Variants in RGPD1 observed in about 807,000 individuals in gnomAD.
RGPD1 encodes RANBP2-like and GRIP domain-containing protein 1.
In RGPD1, 7 loss-of-function variants were observed where a neutral mutation model predicts 40.6. The observed-to-expected ratio is 0.17, with a 90% CI of 0.10 to 0.32. The LOEUF (loss-of-function observed/expected upper bound fraction) is 0.32. Ranked by LOEUF, RGPD1 falls within the 10% of genes least tolerant of loss-of-function variation. The pLI is 1.00. For missense variants in RGPD1, 50 were observed against 472.5 expected (o/e 0.11, Z 8.29); for synonymous variants, 24 against 167.0 (o/e 0.14, Z 6.60).
chr2:86,926,468 T>G (rs1678515559), intron 1 of RGPD1, among the ~76,000 whole-genome samples: 1 of 151,644 alleles, frequency 6.6e-6, no homozygotes, highest in African/African-American at 2.4e-5. Flanking sequence ...AGTCTTTAAT[T>G]GATAGGTGAT....
At chr2:86,931,976 T>C (rs1467301166) in intron 1 of RGPD1, among the ~76,000 whole-genome samples, 10 of 148,538 alleles carry the variant, frequency 6.7e-5, no homozygotes, top group Non-Finnish European at 1.2e-4. Flanking sequence ...TATTTATATA[T>C]AATATTCATA....
In RGPD1 at chr2:86,929,979, C is replaced by T. The variant is rs930350896; in HGVS notation, c.72+16058C>T. Among the ~76,000 whole-genome samples the T allele has an allele frequency of 8.4e-5, 12 of 143,174 alleles. 1 individual carries two copies. The highest frequency in any genetic ancestry group is 6.7e-4 in the East Asian group (3 of 4,492). The allele number at this position is 143,174 out of a possible 152,430, so 93.9% of individuals were successfully genotyped here. A position where few individuals can be genotyped will look rare whatever the true frequency, so the allele number is the denominator to read the frequency against. On this transcript the variant is annotated intron_variant, in intron 1 of 22. Coordinates refer to the RGPD1 transcript ENST00000398193. ...AAGACAGCCCCATGGGAAAGACCTG[C>T]GGTACAGAATCTGGGGGCAGTGCAC...
chr2:86,913,941 A>C lies in RGPD1; in HGVS notation c.72+20A>C. ...GGAAAGGTGAGTGGATCTCGAAGAG[A>C]CCGACGGCCTCGACCTGGCGGGGCG... On this transcript the variant is annotated intron_variant, in intron 1 of 22. Coordinates refer to the RGPD1 transcript ENST00000398193. The C allele has an allele frequency of 4.5e-6, 6 of 1,326,322 alleles. No homozygotes were observed. In the South Asian group the frequency reaches 7.6e-5, roughly 17 times the overall value. The allele number at this position is 1,326,322 out of a possible 1,614,324, so 82.2% of individuals were successfully genotyped here.
intron 1 of RGPD1, among the ~76,000 whole-genome samples, chr2:86,943,312 C>T (rs1471966402): frequency 7.6e-6 from 1 of 132,244 alleles, no homozygotes; most frequent in Non-Finnish European, 1.6e-5. Flanking sequence ...TGGTAGCTGC[C>T]TTTGCTTAAA....
upstream of RGPD1, among the ~76,000 whole-genome samples, chr2:86,941,519 A>C (rs1035992488): frequency 6.7e-6 from 1 of 148,338 alleles, no homozygotes; most frequent in Non-Finnish European, 1.5e-5. Context: ...TGCTGGGGCT[A>C]CCGGCTTGAG....
chr2:86,940,710 C>T (rs532330443), upstream of RGPD1, among the ~76,000 whole-genome samples: 1 of 152,176 alleles, frequency 6.6e-6, no homozygotes, highest in Non-Finnish European at 1.5e-5. Context: ...ATGTTCCCCC[C>T]TCTGCCTTTG....
chr2:86,930,901 A>G, intron 1 of RGPD1: 1 of 559,992 alleles, frequency 1.8e-6, no homozygotes, highest in Non-Finnish European at 3.1e-6. Context: ...TTCCATCCCC[A>G]GAGCCCACAT....
At chr2:86,923,341 CCAT>C (rs1400438099) in intron 1 of RGPD1, among the ~76,000 whole-genome samples, 6 of 151,632 alleles carry the variant, frequency 4.0e-5, no homozygotes, top group East Asian at 3.9e-4. Context: ...CACCTGGCCT[CCAT>C]GGTGTTATTC....
intron 1 of RGPD1, among the ~76,000 whole-genome samples, chr2:86,942,658 GGCGGC>G: frequency 3.0e-5 from 4 of 133,694 alleles, no homozygotes; most frequent in Non-Finnish European, 6.4e-5. Flanking sequence ...GACCTGGCCG[GGCGGC>G]GGCGGCGGCC....
At chr2:86,918,368 A>G (rs1222826556) in intron 1 of RGPD1, among the ~76,000 whole-genome samples, 4 of 149,008 alleles carry the variant, frequency 2.7e-5, no homozygotes, top group Non-Finnish European at 4.5e-5. Flanking sequence ...GTCACTCTGA[A>G]AAAAAATCAC....
chr2:86,918,518 G>A (rs1211536532), intron 1 of RGPD1, among the ~76,000 whole-genome samples: 1 of 132,314 alleles, frequency 7.6e-6, no homozygotes, highest in African/African-American at 3.2e-5. Context: ...GGAGTGCAAT[G>A]GCGCAATCTC....
intron 1 of RGPD1, among the ~76,000 whole-genome samples, chr2:86,920,444 A>C (rs1276184109): frequency 6.8e-6 from 1 of 147,666 alleles, no homozygotes; most frequent in African/African-American, 2.5e-5. Context: ...ACATGTGAAA[A>C]GATTAAGCCT....
At chr2:86,960,628 T>C (rs1211388146) in intron 6 of RGPD1, among the ~76,000 whole-genome samples, 1 of 129,052 alleles carries the variant, frequency 7.7e-6, no homozygotes, top group Non-Finnish European at 1.6e-5. Flanking sequence ...CTCGCTCTGT[T>C]GCCCAGGCTG....
At chr2:86,923,339 C>T (rs1323503751) in intron 1 of RGPD1, among the ~76,000 whole-genome samples, 1 of 151,670 alleles carries the variant, frequency 6.6e-6, no homozygotes, top group East Asian at 1.9e-4. Flanking sequence ...TGCACCTGGC[C>T]TCCATGGTGT....
chr2:86,917,566 A>G, intron 1 of RGPD1: 1 of 41,950 alleles, frequency 2.4e-5, no homozygotes, highest in Non-Finnish European at 4.1e-5. Flanking sequence ...AAGTGGTACA[A>G]TGTCCACAGT....
intron 1 of RGPD1, among the ~76,000 whole-genome samples, chr2:86,918,703 C>T (rs1321216274): frequency 6.9e-6 from 1 of 145,490 alleles, no homozygotes; most frequent in Non-Finnish European, 1.5e-5. Flanking sequence ...TCGTGATCTG[C>T]CCGTCTCAGC....
At chr2:86,913,890 C>G (rs767660306) in exon 1 of RGPD1, 7 of 1,573,844 alleles carry the variant, frequency 4.4e-6, no homozygotes, top group South Asian at 3.4e-5. Context: ...TACCTCGCCT[C>G]GGTGCAGGGC....
chr2:86,914,223 C>T (rs1289351433), intron 1 of RGPD1, among the ~76,000 whole-genome samples: 18 of 101,726 alleles, frequency 1.8e-4, no homozygotes, highest in Non-Finnish European at 2.0e-4. Context: ...GCGGCGGCGG[C>T]CTCGGCCTGG....
In RGPD1 at chr2:86,914,191, G is replaced by GCGGCCT. The variant is rs1202740926; in HGVS notation, c.72+277_72+282dup. Among the ~76,000 whole-genome samples, 243 of 55,618 alleles carry GCGGCCT rather than the reference G, an allele frequency of 4.4e-3. 6 individuals carry two copies. The highest frequency in any genetic ancestry group is 5.4e-3 in the African/African-American group (81 of 14,920). The allele number at this position is 55,618 out of a possible 152,430, so 36.5% of individuals were successfully genotyped here. On this transcript the variant is annotated intron_variant, in intron 1 of 22. Coordinates refer to the RGPD1 transcript ENST00000398193. ...GCCTCGGCCTGGCCGGACGGCGGCGGCGGCCTCGGCCTGGCCGGGCGGCGG... is the reference window on the plus strand; with the variant it reads ...GCCTCGGCCTGGCCGGACGGCGGCGGCGGCCTCGGCCTCGGCCTGGCCGGGCGGCGG...
Sources: gnomAD v4.1 joint callset for allele counts (sites outside exome capture counted in the v4.1 genomes callset) on GRCh38, gnomAD v4.1.1 for gene constraint, MANE v1.5 for transcripts, NCBI Gene and HGNC (gene_info 2026-07-23, HGNC 2026-07-21) for gene names.